CAMK1D: variants seen among roughly 807,000 people sequenced by gnomAD.
CAMK1D encodes the protein calcium/calmodulin dependent protein kinase ID, also known as calcium/calmodulin-dependent protein kinase type 1D.
In CAMK1D, 9 loss-of-function variants were observed where a neutral mutation model predicts 47.7. That is an observed-to-expected ratio of 0.19 (90% CI 0.11 to 0.33). CAMK1D has a LOEUF of 0.33. Ranked by LOEUF, CAMK1D falls within the 10% of genes least tolerant of loss-of-function variation. CAMK1D has a pLI of 1.00. For missense variants in CAMK1D, 291 were observed against 488.7 expected, an observed-to-expected ratio of 0.60 and a Z score of 3.81; for synonymous variants, 184 against 184.9, an observed-to-expected ratio of 0.99 and a Z score of 0.04.
intron 1 of CAMK1D, among the ~76,000 whole-genome samples, chr10:12,446,993 C>G (rs147217518): frequency 6.6e-6 from 1 of 152,174 alleles, no homozygotes; most frequent in African/African-American, 2.4e-5. Context: ...CCAATTCATC[C>G]TAAGACATTT....
At chr10:12,756,486 A>C (rs1836231471) in intron 3 of CAMK1D, among the ~76,000 whole-genome samples, 1 of 152,264 alleles carries the variant, frequency 6.6e-6, no homozygotes, top group Non-Finnish European at 1.5e-5. Context: ...TTACTTCTTA[A>C]TTTGAAAGAA....
chr10:12,543,418 C>G (rs1836261788), intron 1 of CAMK1D, among the ~76,000 whole-genome samples: 1 of 152,118 alleles, frequency 6.6e-6, no homozygotes, highest in South Asian at 2.1e-4. Context: ...TTATGAGAAA[C>G]TGGGATAGAA....
chr10:12,424,904 C>T (rs185412781), intron 1 of CAMK1D, among the ~76,000 whole-genome samples: 28 of 152,304 alleles, frequency 1.8e-4, no homozygotes, highest in East Asian at 1.5e-3. Flanking sequence ...TCCGACCATA[C>T]GACATCTGGT....
chr10:12,406,640 T>C (rs1447989585), intron 1 of CAMK1D, among the ~76,000 whole-genome samples: 1 of 144,722 alleles, frequency 6.9e-6, no homozygotes, highest in African/African-American at 2.6e-5. Context: ...CAAGAATTGG[T>C]TGAGCCGGGG....
chr10:12,812,198 C>T (rs1222472269), intron 6 of CAMK1D, among the ~76,000 whole-genome samples: 1 of 152,228 alleles, frequency 6.6e-6, no homozygotes, highest in African/African-American at 2.4e-5. Context: ...CAGCCTAATC[C>T]CTCGCAGTCC....
chr10:12,511,390 C>T (rs1438453413), intron 1 of CAMK1D, among the ~76,000 whole-genome samples: 13 of 152,012 alleles, frequency 8.6e-5, no homozygotes, highest in African/African-American at 3.1e-4. Context: ...CTCTTGAGCC[C>T]AGCAATTTGA....
intron 5 of CAMK1D, among the ~76,000 whole-genome samples, chr10:12,783,872 A>G (rs1229998358): frequency 6.6e-6 from 1 of 152,132 alleles, no homozygotes; most frequent in East Asian, 1.9e-4. Context: ...AGTAAATCCA[A>G]TTATTTTGAA....
intron 2 of CAMK1D, among the ~76,000 whole-genome samples, chr10:12,601,540 T>C (rs1375050957): frequency 1.3e-5 from 2 of 152,186 alleles, no homozygotes; most frequent in Non-Finnish European, 1.5e-5. Context: ...TTCGGCTCAC[T>C]GCAACCTCTG....
chr10:12,824,602 C>G (rs1833132061), intron 9 of CAMK1D, 50 bp downstream of exon 9: 2 of 1,415,114 alleles, frequency 1.4e-6, no homozygotes, highest in Non-Finnish European at 1.0e-6. Flanking sequence ...CCTCGTGACA[C>G]TGGCCCTCCA....
chr10:12,698,035 G>A (rs1414396241), intron 3 of CAMK1D, among the ~76,000 whole-genome samples: 2 of 152,204 alleles, frequency 1.3e-5, no homozygotes, highest in Non-Finnish European at 2.9e-5. Flanking sequence ...TGGAATGGCT[G>A]CCATTTACTG....
At position 12,816,409 on chromosome 10, in the gene CAMK1D, CA is replaced by C. The variant is rs1465694039; in HGVS notation, c.833+82del. The C allele has an allele frequency of 5.4e-6, 6 of 1,121,482 alleles. No individual in the cohort carries two copies. The Admixed American group carries it at 1.2e-4, about 23-fold the overall frequency. The allele number at this position is 1,121,482 out of a possible 1,614,324, so 69.5% of individuals were successfully genotyped here. The stretch of plus-strand genomic sequence containing the variant: ...CACGAAACTTCCTGTTGGCCGTTGT[CA>C]TTTATGAAATCCACACAGGATTATT... On this transcript the variant is annotated intron_variant, in intron 8 of 10. Coordinates refer to ENST00000619168, the MANE Select transcript of CAMK1D (RefSeq NM_153498.4).
At chr10:12,350,193 C>T (rs1837310618) in intron 1 of CAMK1D, among the ~76,000 whole-genome samples, 1 of 152,194 alleles carries the variant, frequency 6.6e-6, no homozygotes, top group Non-Finnish European at 1.5e-5. Flanking sequence ...CACCGCCGCC[C>T]TCTCCGCTGC....
chr10:12,824,615 C>T, intron 9 of CAMK1D, 63 bp downstream of exon 9: 1 of 1,280,358 alleles, frequency 7.8e-7, no homozygotes, highest in Non-Finnish European at 1.1e-6. Flanking sequence ...GCCCTCCAAT[C>T]TGAGCATTTC....
chr10:12,518,064 T>C (rs940774972), intron 1 of CAMK1D, among the ~76,000 whole-genome samples: 2 of 152,252 alleles, frequency 1.3e-5, no homozygotes, highest in Non-Finnish European at 2.9e-5. Flanking sequence ...TCAATTTCTT[T>C]ACTAGATACA....
rs1588980895 is a variant in CAMK1D at position 12,835,159 on chromosome 10, C to T, written c.*6272C>T. On this transcript the variant is annotated 3_prime_UTR_variant, in exon 11 of 11. Coordinates refer to ENST00000619168, the MANE Select transcript of CAMK1D (RefSeq NM_153498.4). ...TGTCCAGAATAAACATTGGAACAATCTCTCAATTGGCTTTTGTCACTACAC... is the reference window on the plus strand; with the variant it reads ...TGTCCAGAATAAACATTGGAACAATTTCTCAATTGGCTTTTGTCACTACAC... The T allele has an allele frequency of 6.6e-6, 1 of 152,230 alleles. No individual in the cohort carries two copies. The highest frequency in any genetic ancestry group is 2.1e-4 in the South Asian group (1 of 4,836). 9.4% of individuals were successfully genotyped at this position (152,230 alleles called of 1,614,324 possible).
chr10:12,600,444 A>C (rs1351036333), intron 2 of CAMK1D, among the ~76,000 whole-genome samples: 1 of 152,218 alleles, frequency 6.6e-6, no homozygotes, highest in Non-Finnish European at 1.5e-5. Flanking sequence ...GTTTTAACAG[A>C]ATATAGAGGG....
At chr10:12,806,536 G>A (rs1489338604) in intron 6 of CAMK1D, among the ~76,000 whole-genome samples, 1 of 152,180 alleles carries the variant, frequency 6.6e-6, no homozygotes, top group Non-Finnish European at 1.5e-5. Context: ...CTGGGCCCTG[G>A]CCAGCAGGGC....
chr10:12,827,245 CTTCT>C (rs1203692777), intron 10 of CAMK1D, among the ~76,000 whole-genome samples: 54 of 149,024 alleles, frequency 3.6e-4, no homozygotes, highest in African/African-American at 7.4e-4. Flanking sequence ...CCCTCCCTCC[CTTCT>C]TTCTTTCTTT....
chr10:12,419,666 A>ACACACACACACG (rs1839983023), intron 1 of CAMK1D, among the ~76,000 whole-genome samples: 1 of 150,950 alleles, frequency 6.6e-6, no homozygotes, highest in South Asian at 2.1e-4. Flanking sequence ...ACACACACAC[A>ACACACACACACG]CACGCAAAAA....
Sources: gnomAD v4.1 joint callset for allele counts (sites outside exome capture counted in the v4.1 genomes callset) on GRCh38, gnomAD v4.1.1 for gene constraint, MANE v1.5 for transcripts, NCBI Gene and HGNC (gene_info 2026-07-23, HGNC 2026-07-21) for gene names.